Variants in GGNBP2 observed in about 807,000 individuals in gnomAD.
GGNBP2 encodes the protein gametogenetin binding protein 2, also known as gametogenetin-binding protein 2.
GGNBP2 carries 10 observed loss-of-function variants against 85.9 expected under a neutral mutation model. The ratio of observed to expected loss-of-function variants is 0.12; its 90% CI spans 0.07 to 0.20. GGNBP2 has a LOEUF of 0.20. Among genes scored for constraint, GGNBP2 ranks in the 10% least tolerant of loss-of-function variants. GGNBP2 has a pLI of 1.00. For synonymous variants in GGNBP2, 287 were observed against 285.7 expected (o/e 1.00, Z -0.05); for missense variants, 595 against 857.8 (o/e 0.69, Z 3.83).
intron 3 of GGNBP2, 84 bp from the exon 4 acceptor site, chr17:36,556,999 C>A: frequency 6.5e-7 from 1 of 1,528,474 alleles, no homozygotes; most frequent in South Asian, 1.2e-5. Context: ...TACTTTACTG[C>A]ACAAGGATAG....
intron 2 of GGNBP2, among the ~76,000 whole-genome samples, chr17:36,549,150 A>G (rs914927301): frequency 1.1e-4 from 17 of 152,244 alleles, no homozygotes; most frequent in African/African-American, 1.7e-4. Flanking sequence ...TGTTACTACA[A>G]TTATAAAATA....
chr17:36,586,968 A>G (rs770893778), intron 12 of GGNBP2, 29 bp from the exon 13 acceptor site: 1 of 1,578,312 alleles, frequency 6.3e-7, no homozygotes, highest in Non-Finnish European at 8.6e-7. Context: ...ATGCCTTTTT[A>G]CCTGTGAAAT....
At position 36,589,349 on chromosome 17, in the gene GGNBP2, C is replaced by G. The variant is rs1178661584; in HGVS notation, c.2032C>G (p.Arg678Gly). 2 of 1,613,906 alleles carry G rather than the reference C, an allele frequency of 1.2e-6. No homozygotes were observed. Among genetic ancestry groups the G allele is most frequent in the South Asian group, 1.1e-5 (1 of 91,072 alleles). Residue 678 changes from arginine (R) to glycine (G), a missense_variant, in exon 14 of 14, where the codon CGG (arginine) becomes GGG (glycine). This residue lies in a region of GGNBP2 where 26 missense variants were observed against 26.9 expected (regional missense o/e 0.97). Transcript: ENST00000613102. ...GAAGGAGAAATTTAATAAATACTGCCGGTTAAATGATCACAAGAGGCCCAT... is the reference window on the plus strand; with the variant it reads ...GAAGGAGAAATTTAATAAATACTGCGGGTTAAATGATCACAAGAGGCCCAT... Reference protein sequence around the residue: ...HLKEKFNKYCRLNDHKRPICS... With the variant: ...HLKEKFNKYCGLNDHKRPICS...
intron 5 of GGNBP2, among the ~76,000 whole-genome samples, chr17:36,565,709 A>G (rs754564562): frequency 1.3e-4 from 20 of 152,152 alleles, no homozygotes; most frequent in Non-Finnish European, 2.5e-4. Context: ...CAGCCTGGCC[A>G]ATATGGCGAA....
At chr17:36,572,520 C>A (rs998179505) in intron 6 of GGNBP2, among the ~76,000 whole-genome samples, 3 of 152,180 alleles carry the variant, frequency 2.0e-5, no homozygotes, top group African/African-American at 7.2e-5. Context: ...CAAACCCTGT[C>A]TCTCCAAAGA....
chr17:36,553,493 A>G (rs762064473), intron 2 of GGNBP2, among the ~76,000 whole-genome samples: 40 of 152,308 alleles, frequency 2.6e-4, no homozygotes, highest in Non-Finnish European at 4.3e-4. Flanking sequence ...GGTTACATCT[A>G]TTAAAGAAGC....
At chr17:36,548,531 T>C (rs1372078650) in intron 2 of GGNBP2, among the ~76,000 whole-genome samples, 1 of 138,814 alleles carries the variant, frequency 7.2e-6, no homozygotes, top group African/African-American at 2.7e-5. Flanking sequence ...AGGAGAATCC[T>C]ATGAACCCGG....
chr17:36,560,749 T>G, intron 4 of GGNBP2, 24 bp from the exon 5 acceptor site: 1 of 1,226,346 alleles, frequency 8.2e-7, no homozygotes, highest in Non-Finnish European at 1.2e-6. Context: ...AATTAAACCC[T>G]TAATATGTTT....
At chr17:36,556,744 T>C (rs1449455377) in intron 3 of GGNBP2, among the ~76,000 whole-genome samples, 1 of 143,418 alleles carries the variant, frequency 7.0e-6, no homozygotes, top group Non-Finnish European at 1.5e-5. Flanking sequence ...GGTACAGCTG[T>C]ATTGTGCTTT....
At chr17:36,570,774 A>G (rs747480686) in intron 6 of GGNBP2, among the ~76,000 whole-genome samples, 6 of 152,170 alleles carry the variant, frequency 3.9e-5, no homozygotes, top group Non-Finnish European at 1.5e-5. Flanking sequence ...TAATCCTAGC[A>G]CTTTGGGAGG....
chr17:36,584,321 C>A (rs2074679459), intron 9 of GGNBP2, among the ~76,000 whole-genome samples: 3 of 152,152 alleles, frequency 2.0e-5, no homozygotes, highest in African/African-American at 7.2e-5. Context: ...ATGCTTTAAG[C>A]ATACTTCCCA....
chr17:36,587,257 A>G lies in GGNBP2; in HGVS notation c.1890+12A>G, dbSNP rs1382251320. ...TAGTTGAACTCCTTGTAAGTATTCC[A>G]TGTGGTCTTACTGTACATAACTGTT... On this transcript the variant is annotated intron_variant, in intron 13 of 13. Transcript: ENST00000613102. 2 of 1,613,704 alleles carry G rather than the reference A, an allele frequency of 1.2e-6. No homozygotes were observed. Among genetic ancestry groups the G allele is most frequent in the African/African-American group, 2.7e-5 (2 of 74,912 alleles).
rs1313643077 is a variant in GGNBP2 at position 36,545,828 on chromosome 17, C to T, written c.93+11C>T. ...GACGACACCCTGACGGTGAGCGGGC[C>T]GGGCCGGGCTGGGCCCGCCGCTCCC... On this transcript the variant is annotated intron_variant, in intron 2 of 13. Coordinates refer to ENST00000613102, the MANE Select transcript of GGNBP2 (RefSeq NM_024835.5). 1.3e-6 allele frequency: 2 copies of T among 1,535,540 alleles called. No individual in the cohort carries two copies. The highest frequency in any genetic ancestry group is 1.4e-5 in the African/African-American group (1 of 72,800).
intron 9 of GGNBP2, among the ~76,000 whole-genome samples, chr17:36,584,224 A>G (rs1685996155): frequency 6.6e-6 from 1 of 152,232 alleles, no homozygotes. Context: ...TTATTCGTTC[A>G]AGTGAACTTG....
At chr17:36,579,559 G>T in intron 8 of GGNBP2, 140 bp downstream of exon 8, 1 of 701,694 alleles carries the variant, frequency 1.4e-6, no homozygotes, top group Non-Finnish European at 2.4e-6. Context: ...TTGTTACATG[G>T]CTTTGGGTTG....
intron 4 of GGNBP2, among the ~76,000 whole-genome samples, chr17:36,559,321 AGAATG>A (rs2074394768): frequency 6.7e-6 from 1 of 148,824 alleles, no homozygotes; most frequent in South Asian, 2.1e-4. Flanking sequence ...AAAAAAAAAA[AGAATG>A]GGCAAATGGT....
intron 6 of GGNBP2, chr17:36,575,234 C>T (rs576675589): frequency 3.5e-5 from 22 of 633,024 alleles, no homozygotes; most frequent in South Asian, 1.3e-4. Context: ...GCCCCGGCCC[C>T]GGATGCCACT....
At chr17:36,589,151 A>G (rs2074733157) in intron 13 of GGNBP2, 57 bp from the exon 14 acceptor site, 2 of 1,255,768 alleles carry the variant, frequency 1.6e-6, no homozygotes, top group Admixed American at 3.5e-5. Flanking sequence ...GTCCTCCTCC[A>G]TTACATAACA....
chr17:36,566,805 A>G (rs2074473284), intron 5 of GGNBP2, among the ~76,000 whole-genome samples: 1 of 152,122 alleles, frequency 6.6e-6, no homozygotes, highest in Admixed American at 6.6e-5. Context: ...CTTCCCAGCT[A>G]CTTATACATG....
Sources: allele counts gnomAD v4.1 joint callset (sites outside exome capture counted in the v4.1 genomes callset), GRCh38; gene constraint gnomAD v4.1.1; regional missense constraint gnomAD v4.1.1; transcripts MANE v1.5; gene names NCBI Gene and HGNC (gene_info 2026-07-23, HGNC 2026-07-21).